The following NTHL1 variants were observed in gnomAD, a reference collection of about 807,000 sequenced individuals.
The protein encoded by NTHL1 is endonuclease III-like protein 1.
In NTHL1, 32 loss-of-function variants were observed where a neutral mutation model predicts 32.3. The ratio of observed to expected loss-of-function variants is 0.99; its 90% CI spans 0.75 to 1.33. NTHL1 has a LOEUF of 1.33. Ranked by LOEUF, NTHL1 falls within the 40% of genes most tolerant of loss-of-function variation. The pLI, the probability that NTHL1 is intolerant of heterozygous loss-of-function variation, is 0.00. For synonymous variants in NTHL1, 188 were observed against 176.9 expected (o/e 1.06, Z -0.50); for missense variants, 501 against 414.1 (o/e 1.21, Z -1.82).
At chr16:2,040,284 C>A (rs1429395709) in intron 4 of NTHL1, 46 bp from the exon 5 acceptor site, 1 of 1,567,008 alleles carries the variant, frequency 6.4e-7, no homozygotes, top group Admixed American at 1.7e-5. Context: ...CTCCACCAGC[C>A]TAGCCCGTGC....
intron 4 of NTHL1, among the ~76,000 whole-genome samples, chr16:2,042,550 G>A (rs1426136112): frequency 6.6e-6 from 1 of 152,128 alleles, no homozygotes; most frequent in East Asian, 1.9e-4. Context: ...AAAGGGGCCT[G>A]GGATGGGGGC....
rs535684724 is a variant in NTHL1 at position 2,044,405 on chromosome 16, G to A, written c.525+225C>T. 3.3e-5 allele frequency among the ~76,000 whole-genome samples: 5 copies of A among 152,268 alleles called. No individual in the cohort carries two copies. The highest frequency in any genetic ancestry group is 7.4e-5 in the Non-Finnish European group (5 of 68,006). Reference sequence around the variant, plus strand: ...AGGAAGGGTGGGCAGGCGGCGAGGCGGGGAAGCAGAGGAAGGAAGGGAGGA... The same window carrying A: ...AGGAAGGGTGGGCAGGCGGCGAGGCAGGGAAGCAGAGGAAGGAAGGGAGGA... On this transcript the variant is annotated intron_variant, in intron 3 of 5. Coordinates refer to ENST00000651570, the MANE Select transcript of NTHL1 (RefSeq NM_002528.7). The surrounding 1 kb of genome is among the most constrained non-coding windows in gnomAD (Gnocchi z 5.0).
In NTHL1 at chr16:2,044,849, T is replaced by G. The variant is rs184425926; in HGVS notation, c.355-49A>C. The G allele has an allele frequency of 6.5e-7, 1 of 1,528,246 alleles. No homozygotes were observed. Among genetic ancestry groups the G allele is most frequent in the East Asian group, 2.4e-5 (1 of 41,108 alleles). The allele number at this position is 1,528,246 out of a possible 1,614,324, so 94.7% of individuals were successfully genotyped here. The stretch of plus-strand genomic sequence containing the variant: ...GGGGTGGCGGCGGGTCCTGGGTGAT[T>G]CCCTGGCCAGGCTCCGCCCCCCGCC... On this transcript the variant is annotated intron_variant, in intron 2 of 5. Transcript: ENST00000651570. This position sits in a 1 kb window ranked among gnomAD's most constrained non-coding sequence, Gnocchi z 5.0.
rs781578064 is a variant in NTHL1, at chr16:2,044,609, G to A, written c.525+21C>T. 57 of 1,599,836 alleles carry A rather than the reference G, an allele frequency of 3.6e-5. No individual in the cohort carries two copies. Among genetic ancestry groups the A allele is most frequent in the Admixed American group, 8.3e-5 (5 of 60,008 alleles). On this transcript the variant is annotated intron_variant, in intron 3 of 5. Transcript: ENST00000651570. The surrounding 1 kb of genome is among the most constrained non-coding windows in gnomAD (Gnocchi z 5.0). Reference sequence around the variant, plus strand: ...CTCAGGCCACTGCCACCCGGCCCCCGTTGCCACAGGCAGGGCTCACCCTCC... The same window carrying A: ...CTCAGGCCACTGCCACCCGGCCCCCATTGCCACAGGCAGGGCTCACCCTCC...
At position 2,047,727 on chromosome 16, in the gene NTHL1, TC is replaced by T; in HGVS notation, c.96del (p.Arg33GlufsTer15). On this transcript the variant is annotated frameshift_variant, in exon 1 of 6. Coordinates refer to ENST00000651570, the MANE Select transcript of NTHL1 (RefSeq NM_002528.7). LOFTEE classifies it high-confidence loss of function. ...GCGCTACCTGCTGCAGCCTCTCTTC[TC>T]CGGAGAGGCCCGGGCTCCTCCCTAC... Reference protein sequence around the residue: ...RGCREEPGPLRRREAAAEARK... With the variant: ...RGCREEPGPLXRREAAAEARK... 6.3e-7 allele frequency: 1 copy of T among 1,583,960 alleles called. No individual in the cohort carries two copies.
Position 2,040,466 on chromosome 16 carries a change from G to A in NTHL1, c.686-228C>T, listed in dbSNP as rs1240459115. 8.2e-6 allele frequency: 5 copies of A among 609,442 alleles called. No individual in the cohort carries two copies. The African/African-American group carries it at 9.1e-5, about 11-fold the overall frequency. The allele number at this position is 609,442 out of a possible 1,614,324, so 37.8% of individuals were successfully genotyped here. A position where few individuals can be genotyped will look rare whatever the true frequency, so the allele number is the denominator to read the frequency against. ...TGCAGGCCTCTCTCCCATCACCTGA[G>A]CCAGCCTGGGGGGCTCTGTTCTGGG... is the stretch of plus-strand genomic sequence containing the variant. On this transcript the variant is annotated intron_variant, in intron 4 of 5. Transcript: ENST00000651570.
At chr16:2,040,317 C>G in intron 4 of NTHL1, 79 bp from the exon 5 acceptor site, 1 of 1,298,276 alleles carries the variant, frequency 7.7e-7, no homozygotes. Context: ...AGAGGCGAGT[C>G]TGCCACCACC....
chr16:2,047,629 G>A lies in NTHL1; in HGVS notation c.115+80C>T, dbSNP rs1312812259. 12 of 1,498,980 alleles carry A rather than the reference G, an allele frequency of 8.0e-6. No homozygotes were observed. The Admixed American group carries it at 2.1e-4, about 26-fold the overall frequency. 92.9% of individuals were successfully genotyped at this position (1,498,980 alleles called of 1,614,324 possible). Reference sequence around the variant, plus strand: ...GCAGCCCCTGCCCGCGCAGCTGGGAGCCGCAGGAGGCGGCCCGGGACTCCA... The same window carrying A: ...GCAGCCCCTGCCCGCGCAGCTGGGAACCGCAGGAGGCGGCCCGGGACTCCA... On this transcript the variant is annotated intron_variant, in intron 1 of 5. Transcript: ENST00000651570.
chr16:2,040,053 G>T lies in NTHL1; in HGVS notation c.792-6C>A, dbSNP rs766881122. 6.2e-7 allele frequency: 1 copy of T among 1,612,612 alleles called. No homozygotes were observed. The highest frequency in any genetic ancestry group is 1.7e-5 in the Admixed American group (1 of 60,028). The stretch of plus-strand genomic sequence containing the variant: ...TGATCTCGTGCCACAGCTCCCTGTG[G>T]GGGTGGGGGCTGGGTCAGTGCTGAC... On this transcript the variant is annotated splice_region_variant and splice_polypyrimidine_tract_variant and intron_variant, in intron 5 of 5. Transcript: ENST00000651570.
chr16:2,047,442 G>A, intron 1 of NTHL1: 1 of 565,780 alleles, frequency 1.8e-6, no homozygotes, highest in Non-Finnish European at 3.1e-6. Flanking sequence ...GGAGAGTCCC[G>A]GACAGAGTGG....
chr16:2,047,623 C>G (rs945870314), intron 1 of NTHL1, 86 bp downstream of exon 1: 2 of 1,493,162 alleles, frequency 1.3e-6, no homozygotes, highest in African/African-American at 2.8e-5. Flanking sequence ...GCCCGCGCAG[C>G]TGGGAGCCGC....
Position 2,043,783 on chromosome 16 carries a change from G to A in NTHL1, c.526-57C>T. On this transcript the variant is annotated intron_variant, in intron 3 of 5. Transcript: ENST00000651570. The surrounding 1 kb of genome is among the most constrained non-coding windows in gnomAD (Gnocchi z 4.4). Reference sequence around the variant, plus strand: ...GCAAGGGCACAGCCCAACCTGGGAGGATGCAGCCCCCAGGAGACCCACAGG... The same window carrying A: ...GCAAGGGCACAGCCCAACCTGGGAGAATGCAGCCCCCAGGAGACCCACAGG... 1.3e-6 allele frequency: 2 copies of A among 1,597,670 alleles called. No homozygotes were observed. Among genetic ancestry groups the A allele is most frequent in the Non-Finnish European group, 8.5e-7 (1 of 1,173,788 alleles).
At chr16:2,040,509 T>C in intron 4 of NTHL1, 1 of 543,118 alleles carries the variant, frequency 1.8e-6, no homozygotes, top group Non-Finnish European at 3.3e-6. Context: ...CTCCCAACAC[T>C]GGTGCTAGTT....
intron 2 of NTHL1, among the ~76,000 whole-genome samples, chr16:2,045,016 A>C (rs568521156): frequency 6.0e-4 from 92 of 152,266 alleles, no homozygotes; most frequent in Admixed American, 1.4e-3. Context: ...GAGTAATGTG[A>C]AGCTTAAATG....
intron 1 of NTHL1, 104 bp from the exon 2 acceptor site, chr16:2,046,470 C>T (rs977444501): frequency 1.9e-6 from 2 of 1,054,190 alleles, no homozygotes; most frequent in Non-Finnish European, 2.8e-6. Context: ...CATGCCACAA[C>T]TGTCCATCAT....
intron 4 of NTHL1, among the ~76,000 whole-genome samples, chr16:2,042,576 C>A (rs1201852976): frequency 6.6e-6 from 1 of 152,088 alleles, no homozygotes; most frequent in Non-Finnish European, 1.5e-5. Context: ...GAGGGCAGGG[C>A]CAAGCCCTGG....
At position 2,044,007 on chromosome 16, in the gene NTHL1, G is replaced by C. The variant is rs977528100; in HGVS notation, c.526-281C>G. 7.7e-5 allele frequency: 38 copies of C among 495,170 alleles called. No homozygotes were observed. The highest frequency in any genetic ancestry group is 1.3e-4 in the Non-Finnish European group (36 of 269,692). The allele number at this position is 495,170 out of a possible 1,614,324, so 30.7% of individuals were successfully genotyped here. ...CATTCCCTGCCAGCACCCAGGCCAG[G>C]CCAAGCAGGCCAGCCGCTCCCAGGA... On this transcript the variant is annotated intron_variant, in intron 3 of 5. Transcript: ENST00000651570. This position sits in a 1 kb window ranked among gnomAD's most constrained non-coding sequence, Gnocchi z 5.0.
At chr16:2,047,370 C>T (rs1234198678) in intron 1 of NTHL1, 8 of 367,704 alleles carry the variant, frequency 2.2e-5, no homozygotes, top group Non-Finnish European at 3.5e-5. Flanking sequence ...TGGCACCCAG[C>T]CTCTCCGAGG....
chr16:2,042,162 T>C, intron 4 of NTHL1: 2 of 452,406 alleles, frequency 4.4e-6, no homozygotes, highest in Non-Finnish European at 8.9e-6. Flanking sequence ...GAGGGAGGTA[T>C]TTCCACATGG....
Sources: allele counts gnomAD v4.1 joint callset (sites outside exome capture counted in the v4.1 genomes callset), GRCh38; gene constraint gnomAD v4.1.1; non-coding constraint Gnocchi (gnomAD v3.1); transcripts MANE v1.5; gene names NCBI Gene and HGNC (gene_info 2026-07-23, HGNC 2026-07-21).